ERC1: variants seen among roughly 807,000 people sequenced by gnomAD.
The protein encoded by ERC1 is ELKS/RAB6-interacting/CAST family member 1, also known as RAB6 interacting protein 2.
In ERC1, 56 loss-of-function variants were observed where a neutral mutation model predicts 132.0. The observed-to-expected ratio is 0.42, with a 90% CI of 0.34 to 0.53. The LOEUF is 0.53. Among genes scored for constraint, ERC1 ranks in the 20% least tolerant of loss-of-function variants. ERC1 has a pLI of 0.03. For missense variants in ERC1, 1,202 were observed against 1,349.9 expected, an observed-to-expected ratio of 0.89 and a Z score of 1.72; for synonymous variants, 478 against 476.1, an observed-to-expected ratio of 1.00 and a Z score of -0.05.
At chr12:1,164,827 G>GT (rs1952242924) in intron 8 of ERC1, among the ~76,000 whole-genome samples, 1 of 151,944 alleles carries the variant, frequency 6.6e-6, no homozygotes, top group South Asian at 2.1e-4. Context: ...CAAAGAGTGA[G>GT]TTTTTTTTGT....
At chr12:1,436,815 G>A (rs1018994864) in intron 17 of ERC1, among the ~76,000 whole-genome samples, 4 of 152,094 alleles carry the variant, frequency 2.6e-5, no homozygotes, top group South Asian at 2.1e-4. Context: ...GAAATCCAGC[G>A]TCAGTCCTTG....
At chr12:1,485,080 G>A (rs113137760) in intron 18 of ERC1, among the ~76,000 whole-genome samples, 2 of 151,414 alleles carry the variant, frequency 1.3e-5, no homozygotes, top group African/African-American at 4.9e-5. Flanking sequence ...GTAGAGATGG[G>A]GTCTCGCTGT....
In ERC1 at chr12:1,430,158, G is replaced by A. The variant is rs1359641478; in HGVS notation, c.3025-14404G>A. The A allele has an allele frequency of 2.0e-5, 3 of 152,164 alleles. No individual in the cohort carries two copies. In the East Asian group the frequency reaches 5.8e-4, roughly 29 times the overall value. The allele number at this position is 152,164 out of a possible 1,614,324, so 9.4% of individuals were successfully genotyped here. A position where few individuals can be genotyped will look rare whatever the true frequency, so the allele number is the denominator to read the frequency against. On this transcript the variant is annotated intron_variant, in intron 17 of 18. Coordinates refer to ENST00000360905, the MANE Select transcript of ERC1 (RefSeq NM_178040.4). ...GAACCTCTCCATTGGGCTCCTGGAT[G>A]TGGTGACATGGAGTCCAGCTTCACC...
chr12:1,007,486 C>CTCTT (rs1459768491), intron 1 of ERC1, among the ~76,000 whole-genome samples: 1 of 136,332 alleles, frequency 7.3e-6, no homozygotes, highest in African/African-American at 3.2e-5. Context: ...CTCTCTCTCT[C>CTCTT]TCTCTCTTTC....
chr12:1,167,042 C>T (rs989362695), intron 8 of ERC1, among the ~76,000 whole-genome samples: 1 of 152,058 alleles, frequency 6.6e-6, no homozygotes, highest in Non-Finnish European at 1.5e-5. Flanking sequence ...GTTAATACGC[C>T]ACATTAATGT....
intron 14 of ERC1, among the ~76,000 whole-genome samples, chr12:1,282,342 T>C (rs1183215901): frequency 1.3e-5 from 2 of 152,152 alleles, no homozygotes; most frequent in South Asian, 2.1e-4. Flanking sequence ...ATAATAATAC[T>C]TTATACCCAC....
chr12:1,476,111 A>T (rs907559783), intron 18 of ERC1, among the ~76,000 whole-genome samples: 19 of 151,954 alleles, frequency 1.3e-4, no homozygotes, highest in African/African-American at 4.3e-4. Flanking sequence ...AAAATATTTT[A>T]AAAATTAGCC....
At position 1,025,803 on chromosome 12, in the gene ERC1, T is replaced by G. The variant is rs1592768658; in HGVS notation, c.-156-1945T>G. 2.7e-5 allele frequency among the ~76,000 whole-genome samples: 4 copies of G among 149,540 alleles called. No homozygotes were observed. The East Asian group carries it at 7.8e-4, about 29-fold the overall frequency. ...TAATTTAAAAAGGAAAGTTTTTTTT[T>G]TTTTTTTTTTTTGAGACGGAGTCTC... is the stretch of plus-strand genomic sequence containing the variant. On this transcript the variant is annotated intron_variant, in intron 1 of 18. Coordinates refer to ENST00000360905, the MANE Select transcript of ERC1 (RefSeq NM_178040.4).
At chr12:1,353,431 T>C (rs1036682463) in intron 15 of ERC1, among the ~76,000 whole-genome samples, 39 of 152,228 alleles carry the variant, frequency 2.6e-4, no homozygotes, top group African/African-American at 9.4e-4. Flanking sequence ...CTTAAAGGAA[T>C]AGAACTAGGG....
chr12:1,341,063 C>CTTTTTCT (rs1566629716), intron 15 of ERC1, among the ~76,000 whole-genome samples: 2 of 45,160 alleles, frequency 4.4e-5, no homozygotes, highest in African/African-American at 1.4e-4. Flanking sequence ...TTATTCTTTT[C>CTTTTTCT]TTTTTCTTTT....
intron 13 of ERC1, among the ~76,000 whole-genome samples, chr12:1,248,589 T>C (rs1490905769): frequency 6.6e-6 from 1 of 152,158 alleles, no homozygotes; most frequent in African/African-American, 2.4e-5. Context: ...AAAGGGACCT[T>C]ATAGGCCATG....
At chr12:1,143,117 G>A (rs927143580) in intron 8 of ERC1, among the ~76,000 whole-genome samples, 4 of 152,142 alleles carry the variant, frequency 2.6e-5, no homozygotes, top group African/African-American at 4.8e-5. Flanking sequence ...TGGCCAGGCC[G>A]GTTTTGAAGT....
At chr12:1,353,754 C>A (rs1355826252) in intron 15 of ERC1, among the ~76,000 whole-genome samples, 1 of 152,182 alleles carries the variant, frequency 6.6e-6, no homozygotes, top group Non-Finnish European at 1.5e-5. Flanking sequence ...GATTTATGAT[C>A]TCTTTCCACT....
At chr12:1,473,159 A>G (rs745923443) in intron 18 of ERC1, among the ~76,000 whole-genome samples, 11 of 151,992 alleles carry the variant, frequency 7.2e-5, no homozygotes, top group Non-Finnish European at 1.3e-4. Context: ...CTGAGTAGCT[A>G]GGATTACAGG....
At chr12:1,468,688 T>C (rs894591298) in intron 18 of ERC1, among the ~76,000 whole-genome samples, 3 of 152,048 alleles carry the variant, frequency 2.0e-5, no homozygotes, top group African/African-American at 7.2e-5. Context: ...GCCTGCAGGC[T>C]CTCAGGGATC....
chr12:1,042,527 G>C (rs1203565528), intron 2 of ERC1, among the ~76,000 whole-genome samples: 2 of 151,230 alleles, frequency 1.3e-5, no homozygotes, highest in African/African-American at 4.9e-5. Flanking sequence ...GGAATTTTTA[G>C]TAGAGACAGG....
At chr12:1,161,021 C>T (rs1951838302) in intron 8 of ERC1, among the ~76,000 whole-genome samples, 1 of 152,148 alleles carries the variant, frequency 6.6e-6, no homozygotes, top group African/African-American at 2.4e-5. Context: ...TCTTCTTTTT[C>T]CTTAATGAGT....
At chr12:1,304,331 A>G (rs868412679) in intron 15 of ERC1, among the ~76,000 whole-genome samples, 5 of 152,178 alleles carry the variant, frequency 3.3e-5, no homozygotes, top group African/African-American at 1.2e-4. Context: ...CCTTAGATAT[A>G]TGAAAATGTT....
intron 7 of ERC1, among the ~76,000 whole-genome samples, chr12:1,122,868 A>G (rs886751078): frequency 6.6e-6 from 1 of 152,070 alleles, no homozygotes; most frequent in African/African-American, 2.4e-5. Context: ...TATGATATTC[A>G]AGTCTGCTTG....
Sources: gnomAD v4.1 joint callset for allele counts (sites outside exome capture counted in the v4.1 genomes callset) on GRCh38, gnomAD v4.1.1 for gene constraint, MANE v1.5 for transcripts, NCBI Gene and HGNC (gene_info 2026-07-23, HGNC 2026-07-21) for gene names.